The following LEPROTL1 variants were observed in gnomAD, a reference collection of about 807,000 sequenced individuals.
LEPROTL1 encodes leptin receptor overlapping transcript like 1.
LEPROTL1 carries 6 observed loss-of-function variants against 15.4 expected under a neutral mutation model. The ratio of observed to expected loss-of-function variants is 0.39; its 90% CI spans 0.21 to 0.77. The LOEUF is 0.77. Ranked by LOEUF, LEPROTL1 falls within the 30% of genes least tolerant of loss-of-function variation. LEPROTL1 has a pLI of 0.41. For synonymous variants in LEPROTL1, 56 were observed against 52.6 expected, an observed-to-expected ratio of 1.06 and a Z score of -0.28; for missense variants, 128 against 158.1, an observed-to-expected ratio of 0.81 and a Z score of 1.02.
At chr8:30,116,123 C>T (rs1256794247) in intron 3 of LEPROTL1, among the ~76,000 whole-genome samples, 1 of 152,026 alleles carries the variant, frequency 6.6e-6, no homozygotes, top group African/African-American at 2.4e-5. Flanking sequence ...TGCCTGTGGT[C>T]CCAGCTACCT....
At chr8:30,098,829 T>C (rs1439563502) in intron 1 of LEPROTL1, among the ~76,000 whole-genome samples, 1 of 152,164 alleles carries the variant, frequency 6.6e-6, no homozygotes, top group Non-Finnish European at 1.5e-5. Flanking sequence ...GCTCCCTCCT[T>C]TCGTGAAATG....
intron 3 of LEPROTL1, among the ~76,000 whole-genome samples, chr8:30,127,919 A>G (rs16876552): frequency 0.013 from 2,020 of 152,198 alleles, 42 homozygotes; most frequent in East Asian, 0.075. Flanking sequence ...AGGTACTACC[A>G]GTCATGTAGC....
At chr8:30,112,401 A>ATTTT (rs10684450), downstream of LEPROTL1, among the ~76,000 whole-genome samples, 50 of 27,884 alleles carry the variant, frequency 1.8e-3, 9 homozygotes, top group South Asian at 6.2e-3. Flanking sequence ...TGCCCAGCTA[A>ATTTT]TTTTTTTTTT....
At chr8:30,117,321 C>CT (rs35882810) in intron 3 of LEPROTL1, 114 of 699,348 alleles carry the variant, frequency 1.6e-4, no homozygotes, top group African/African-American at 6.8e-4. Context: ...GACCCTGTTT[C>CT]TTTTTTTTTT....
intron 3 of LEPROTL1, among the ~76,000 whole-genome samples, chr8:30,124,730 A>G (rs2117518599): frequency 6.6e-6 from 1 of 152,322 alleles, no homozygotes; most frequent in South Asian, 2.1e-4. Context: ...AAGTATAAAA[A>G]TAAAATGTAC....
At chr8:30,129,068 G>T (rs1021413802) in intron 3 of LEPROTL1, among the ~76,000 whole-genome samples, 2 of 152,114 alleles carry the variant, frequency 1.3e-5, no homozygotes, top group East Asian at 3.9e-4. Flanking sequence ...TTGGGTTTGT[G>T]TGTGTGTTTT....
At chr8:30,095,575 A>G (rs1214754320) in intron 1 of LEPROTL1, 47 bp downstream of exon 1, 31 of 1,326,404 alleles carry the variant, frequency 2.3e-5, no homozygotes, top group Non-Finnish European at 2.3e-5. Context: ...CGGCGGGGGA[A>G]GATGGGCCGG....
At chr8:30,117,932 CAT>C (rs1028645924) in intron 3 of LEPROTL1, among the ~76,000 whole-genome samples, 9 of 149,762 alleles carry the variant, frequency 6.0e-5, no homozygotes, top group African/African-American at 1.7e-4. Context: ...TGCTTATAGA[CAT>C]AAAGTTTAAA....
chr8:30,112,528 G>A (rs2117499323), downstream of LEPROTL1, among the ~76,000 whole-genome samples: 1 of 148,606 alleles, frequency 6.7e-6, no homozygotes, highest in Non-Finnish European at 1.5e-5. Flanking sequence ...CCAGAGTGCT[G>A]GGATTACAGG....
At chr8:30,099,184 C>T (rs1665345292) in intron 1 of LEPROTL1, among the ~76,000 whole-genome samples, 1 of 152,204 alleles carries the variant, frequency 6.6e-6, no homozygotes, top group Non-Finnish European at 1.5e-5. Context: ...GTTGTCATTG[C>T]TCTGTCTCCA....
intron 1 of LEPROTL1, chr8:30,095,929 G>T: frequency 1.4e-6 from 1 of 693,334 alleles, no homozygotes; most frequent in South Asian, 1.5e-5. Context: ...GGCTGCTAGA[G>T]ATGCCAGCTA....
At chr8:30,137,638 G>A (rs981831810) in exon 5 of LEPROTL1, 2 of 684,014 alleles carry the variant, frequency 2.9e-6, no homozygotes, top group Non-Finnish European at 4.9e-6. Context: ...AAAGAAGTCT[G>A]ACCTAACCAA....
chr8:30,133,803 AAAG>A (rs1472799472), intron 4 of LEPROTL1, among the ~76,000 whole-genome samples: 8 of 151,454 alleles, frequency 5.3e-5, no homozygotes, highest in African/African-American at 7.3e-5. Context: ...AAAAAAAAAA[AAAG>A]AAAGAGAAAA....
At chr8:30,129,127 G>A (rs1186795279) in intron 3 of LEPROTL1, among the ~76,000 whole-genome samples, 4 of 151,914 alleles carry the variant, frequency 2.6e-5, no homozygotes, top group South Asian at 4.2e-4. Context: ...TCTCAAACTC[G>A]AGGGATCAAG....
At position 30,106,949 on chromosome 8, in the gene LEPROTL1, C is replaced by T. The variant is rs941976165; in HGVS notation, c.*1087C>T. On this transcript the variant is annotated 3_prime_UTR_variant, in exon 4 of 4. Transcript: ENST00000321250. ...ATTGCTATGCCGTACATTCAGAGTG[C>T]CCCCTCCCCTGCAAGGCCTTGCCAT... 172 of 985,346 alleles carry T rather than the reference C, an allele frequency of 1.7e-4. No homozygotes were observed. Among genetic ancestry groups the T allele is most frequent in the Non-Finnish European group, 2.0e-4 (164 of 829,662 alleles). The allele number at this position is 985,346 out of a possible 1,614,324, so 61.0% of individuals were successfully genotyped here. A position where few individuals can be genotyped will look rare whatever the true frequency, so the allele number is the denominator to read the frequency against.
Position 30,095,524 on chromosome 8 carries a change from C to A in LEPROTL1, c.12C>A (p.Ile4=). 1 of 1,451,272 alleles carries A rather than the reference C, an allele frequency of 6.9e-7. No homozygotes were observed. Among genetic ancestry groups the A allele is most frequent in the Non-Finnish European group, 9.0e-7 (1 of 1,105,676 alleles). The allele number at this position is 1,451,272 out of a possible 1,614,324, so 89.9% of individuals were successfully genotyped here. The change falls in exon 1 of 4, where the codon ATC becomes ATA. Residue 4 remains isoleucine, a synonymous_variant. Transcript: ENST00000321250. MAG[I]KALISLSFGG... ...GCGACGTCACCGCCATGGCAGGCAT[C>A]AAAGGTGGGCCTGGGTTGCAGGACG...
intron 3 of LEPROTL1, 63 bp from the exon 4 acceptor site, chr8:30,105,682 AT>A (rs397960486): frequency 0.024 from 27,811 of 1,147,090 alleles, no homozygotes; most frequent in South Asian, 0.033. Context: ...TAGAGCCTTG[AT>A]TTTTTTTTTT....
At position 30,106,644 on chromosome 8, in the gene LEPROTL1, GT is replaced by G. The variant is rs1399928757; in HGVS notation, c.*783del. ...TATTATTGTTAGAGTGAGTTGCAAT[GT>G]GGGAAGAAATGACATTGAAATTCCA... On this transcript the variant is annotated 3_prime_UTR_variant, in exon 4 of 4. Coordinates refer to ENST00000321250, the MANE Select transcript of LEPROTL1 (RefSeq NM_015344.3). 106 of 983,098 alleles carry G rather than the reference GT, an allele frequency of 1.1e-4. No individual in the cohort carries two copies. Among genetic ancestry groups the G allele is most frequent in the Middle Eastern group, 5.2e-4 (1 of 1,934 alleles). The allele number at this position is 983,098 out of a possible 1,614,324, so 60.9% of individuals were successfully genotyped here.
At chr8:30,118,044 A>G (rs1411310165) in intron 3 of LEPROTL1, among the ~76,000 whole-genome samples, 2 of 26,758 alleles carry the variant, frequency 7.5e-5, no homozygotes, top group Admixed American at 1.0e-3. Flanking sequence ...TTTTTTTTTG[A>G]GACAGAGTCT....
Sources: allele counts gnomAD v4.1 joint callset (sites outside exome capture counted in the v4.1 genomes callset), GRCh38; gene constraint gnomAD v4.1.1; transcripts MANE v1.5; gene names NCBI Gene and HGNC (gene_info 2026-07-23, HGNC 2026-07-21).